Variants in FGGY observed in about 807,000 individuals in gnomAD.
FGGY encodes the protein FGGY carbohydrate kinase domain-containing protein.
A neutral mutation model predicts 71.3 loss-of-function variants in FGGY; 72 were observed. That is an observed-to-expected ratio of 1.01 (90% confidence interval 0.84 to 1.23). The LOEUF is 1.23. Among genes scored for constraint, FGGY ranks in the 50% most tolerant of loss-of-function variants. The probability of loss-of-function intolerance (pLI) is 0.00; values close to 1 mark genes in which losing one functional copy is unlikely to be tolerated. For missense variants in FGGY, 668 were observed against 682.3 expected (o/e 0.98, Z 0.23); for synonymous variants, 251 against 250.3 (o/e 1.00, Z -0.02).
chr1:59,564,660 T>C (rs1002215586), intron 8 of FGGY, among the ~76,000 whole-genome samples: 4 of 152,254 alleles, frequency 2.6e-5, no homozygotes, highest in Non-Finnish European at 5.9e-5. Context: ...TGTGGGGAAC[T>C]GGAACTCACA....
chr1:59,585,000 C>G (rs1335631337), intron 8 of FGGY, among the ~76,000 whole-genome samples: 1 of 152,112 alleles, frequency 6.6e-6, no homozygotes, highest in Admixed American at 6.5e-5. Context: ...CTACAAACCA[C>G]TGCTCAATGA....
At chr1:59,708,437 G>A (rs1280813454) in intron 14 of FGGY, among the ~76,000 whole-genome samples, 2 of 152,112 alleles carry the variant, frequency 1.3e-5, no homozygotes, top group Non-Finnish European at 2.9e-5. Context: ...GGGAATACCA[G>A]GCTCGGCCCC....
At chr1:59,424,244 G>T (rs1291159663) in intron 5 of FGGY, among the ~76,000 whole-genome samples, 2 of 152,228 alleles carry the variant, frequency 1.3e-5, no homozygotes, top group Non-Finnish European at 2.9e-5. Context: ...TTGAGAAGTA[G>T]AATTAATACA....
chr1:59,494,782 G>A (rs2093981106), intron 6 of FGGY, among the ~76,000 whole-genome samples: 1 of 152,120 alleles, frequency 6.6e-6, no homozygotes, highest in African/African-American at 2.4e-5. Context: ...TGTACACTTT[G>A]GGGTACTAGA....
At chr1:59,319,056 T>G (rs1427595719) in intron 1 of FGGY, among the ~76,000 whole-genome samples, 1 of 152,234 alleles carries the variant, frequency 6.6e-6, no homozygotes, top group East Asian at 1.9e-4. Context: ...GGCTTCCTGG[T>G]GTTACTGTCT....
intron 14 of FGGY, among the ~76,000 whole-genome samples, chr1:59,713,697 A>C (rs1199090615): frequency 6.6e-6 from 1 of 152,180 alleles, no homozygotes; most frequent in Non-Finnish European, 1.5e-5. Flanking sequence ...TATGTTGTAG[A>C]TCTCCAAAAA....
intron 6 of FGGY, among the ~76,000 whole-genome samples, chr1:59,468,920 G>A (rs1268309900): frequency 6.6e-6 from 1 of 150,960 alleles, no homozygotes; most frequent in Non-Finnish European, 1.5e-5. Context: ...ACTAATGATA[G>A]GTATATGCTG....
chr1:59,667,762 G>A (rs2097338536), intron 13 of FGGY, among the ~76,000 whole-genome samples: 1 of 152,186 alleles, frequency 6.6e-6, no homozygotes, highest in Non-Finnish European at 1.5e-5. Flanking sequence ...CATGATCCTT[G>A]CTCCCCACCA....
chr1:59,614,386 A>G (rs1046065192), intron 9 of FGGY, among the ~76,000 whole-genome samples: 1 of 152,260 alleles, frequency 6.6e-6, no homozygotes, highest in Non-Finnish European at 1.5e-5. Flanking sequence ...AAACAGAACC[A>G]ACGACAAAAA....
intron 8 of FGGY, among the ~76,000 whole-genome samples, chr1:59,574,659 CA>C (rs1353214316): frequency 6.6e-6 from 1 of 152,016 alleles, no homozygotes; most frequent in African/African-American, 2.4e-5. Flanking sequence ...AGTGAAGGAA[CA>C]AAGATAAAAG....
chr1:59,410,636 C>T (rs1042578482), intron 5 of FGGY, among the ~76,000 whole-genome samples: 13 of 152,270 alleles, frequency 8.5e-5, no homozygotes, highest in Middle Eastern at 3.4e-3. Flanking sequence ...TACCAACCAT[C>T]TGGTTACATG....
intron 14 of FGGY, chr1:59,699,298 A>G: frequency 1.0e-6 from 1 of 984,638 alleles, no homozygotes; most frequent in Non-Finnish European, 1.2e-6. Flanking sequence ...AAATTCAATT[A>G]GAGATACTAA....
intron 6 of FGGY, among the ~76,000 whole-genome samples, chr1:59,493,224 A>G (rs377536811): frequency 6.6e-6 from 1 of 152,198 alleles, no homozygotes; most frequent in African/African-American, 2.4e-5. Flanking sequence ...GCTGTAAAAC[A>G]TGGTGGTAGT....
At chr1:59,743,780 T>C (rs1573947222) in intron 14 of FGGY, among the ~76,000 whole-genome samples, 1 of 152,298 alleles carries the variant, frequency 6.6e-6, no homozygotes, top group South Asian at 2.1e-4. Context: ...AACCCAAAAA[T>C]AAACTTTGTG....
intron 14 of FGGY, among the ~76,000 whole-genome samples, chr1:59,711,248 A>G (rs2097791790): frequency 1.3e-5 from 2 of 152,264 alleles, no homozygotes; most frequent in South Asian, 4.1e-4. Context: ...CAATGAGAAC[A>G]TATGGGCACA....
chr1:59,498,719 C>T (rs1306412333), intron 6 of FGGY, among the ~76,000 whole-genome samples: 2 of 152,174 alleles, frequency 1.3e-5, no homozygotes, highest in Non-Finnish European at 2.9e-5. Flanking sequence ...TGATCCCCCT[C>T]CCCCACCAAC....
intron 8 of FGGY, among the ~76,000 whole-genome samples, chr1:59,584,436 A>G (rs2096248761): frequency 6.7e-6 from 1 of 150,138 alleles, no homozygotes; most frequent in Admixed American, 6.6e-5. Context: ...TTATCTCAAT[A>G]GATGCAGAAA....
At chr1:59,577,804 T>G (rs1411975296) in intron 8 of FGGY, among the ~76,000 whole-genome samples, 1 of 152,154 alleles carries the variant, frequency 6.6e-6, no homozygotes, top group Non-Finnish European at 1.5e-5. Flanking sequence ...TTCTCCTGAC[T>G]TGGAACTCTC....
intron 5 of FGGY, among the ~76,000 whole-genome samples, chr1:59,446,971 T>C (rs780210933): frequency 2.6e-5 from 4 of 152,186 alleles, no homozygotes; most frequent in African/African-American, 9.7e-5. Flanking sequence ...GCTTTTGATG[T>C]GCGCCTTGCT....
Sources: allele counts gnomAD v4.1 joint callset (sites outside exome capture counted in the v4.1 genomes callset), GRCh38; gene constraint gnomAD v4.1.1; transcripts MANE v1.5; gene names NCBI Gene and HGNC (gene_info 2026-07-23, HGNC 2026-07-21).